Variants in SPAG16 observed in about 807,000 individuals in gnomAD.
SPAG16 encodes sperm associated antigen 16, also known as sperm-associated antigen 16 protein.
SPAG16 carries 86 observed loss-of-function variants against 80.4 expected under a neutral mutation model. The observed-to-expected ratio is 1.07, with a 90% CI of 0.90 to 1.28. The LOEUF (loss-of-function observed/expected upper bound fraction) is 1.28. SPAG16 is among the 50% of genes most tolerant of loss of function. SPAG16 has a pLI of 0.00. For missense variants in SPAG16, 870 were observed against 765.3 expected (o/e 1.14, Z -1.61); for synonymous variants, 294 against 265.9 (o/e 1.11, Z -1.03).
intron 9 of SPAG16, among the ~76,000 whole-genome samples, chr2:213,441,896 C>A (rs1371781724): frequency 1.3e-5 from 2 of 152,158 alleles, no homozygotes; most frequent in East Asian, 1.9e-4. Context: ...TCTGTAATCC[C>A]AGCACTTTGG....
At chr2:214,034,593 G>A (rs543256517) in intron 13 of SPAG16, among the ~76,000 whole-genome samples, 50 of 152,364 alleles carry the variant, frequency 3.3e-4, no homozygotes, top group Non-Finnish European at 5.1e-4. Flanking sequence ...GCATAGCCAG[G>A]CACGCTGGCT....
intron 15 of SPAG16, among the ~76,000 whole-genome samples, chr2:214,313,062 T>A (rs1012110983): frequency 3.3e-5 from 5 of 152,144 alleles, no homozygotes; most frequent in Non-Finnish European, 5.9e-5. Flanking sequence ...TGCGAATATT[T>A]CATTACATAA....
intron 10 of SPAG16, among the ~76,000 whole-genome samples, chr2:213,858,002 A>G (rs4494679): frequency 0.34 from 52,385 of 152,084 alleles, 9,481 homozygotes; most frequent in South Asian, 0.47. Context: ...ATGCGATTCA[A>G]TTGCTACAAT....
At chr2:213,415,267 A>G (rs1165475797) in intron 9 of SPAG16, among the ~76,000 whole-genome samples, 1 of 152,238 alleles carries the variant, frequency 6.6e-6, no homozygotes, top group Non-Finnish European at 1.5e-5. Flanking sequence ...GAAGCATGCA[A>G]GGAGCATGCA....
chr2:213,445,288 G>A (rs1487302297), intron 9 of SPAG16, among the ~76,000 whole-genome samples: 1 of 152,078 alleles, frequency 6.6e-6, no homozygotes, highest in Non-Finnish European at 1.5e-5. Flanking sequence ...AGTATATAAG[G>A]AATTCAAAAA....
In SPAG16 at chr2:213,317,271, C is replaced by A; in HGVS notation, c.451C>A (p.Pro151Thr). The A allele has an allele frequency of 1.2e-6, 2 of 1,609,558 alleles. No individual in the cohort carries two copies. Among genetic ancestry groups the A allele is most frequent in the South Asian group, 2.2e-5 (2 of 90,584 alleles). The change falls in exon 5 of 16, where the codon CCA becomes ACA. Residue 151 changes from proline to threonine, a missense_variant. Transcript: ENST00000331683. ...TGAACTTAGAACTGTTGGGAATGTT[C>A]CAGATGTCTACACCCAGATTATGCT... ...VTELRTVGNVPDVYTQIMLLE... is the reference protein window; with the variant it reads ...VTELRTVGNVTDVYTQIMLLE...
intron 15 of SPAG16, among the ~76,000 whole-genome samples, chr2:214,338,814 C>A (rs1697473316): frequency 1.3e-5 from 2 of 152,046 alleles, no homozygotes; most frequent in Admixed American, 6.6e-5. Context: ...TGCCTCTGTC[C>A]CAATGTATAA....
intron 13 of SPAG16, among the ~76,000 whole-genome samples, chr2:214,097,918 T>C (rs1050709563): frequency 2.0e-5 from 3 of 152,008 alleles, no homozygotes; most frequent in African/African-American, 7.2e-5. Flanking sequence ...AATGGCACTA[T>C]CATGTAGATA....
At chr2:213,476,038 A>T (rs1438246239) in intron 9 of SPAG16, among the ~76,000 whole-genome samples, 1 of 152,164 alleles carries the variant, frequency 6.6e-6, no homozygotes, top group Admixed American at 6.5e-5. Flanking sequence ...AAACTCTCTT[A>T]ATTTTTACAT....
chr2:213,884,916 G>A (rs2106045724), intron 11 of SPAG16, among the ~76,000 whole-genome samples: 1 of 152,238 alleles, frequency 6.6e-6, no homozygotes, highest in African/African-American at 2.4e-5. Context: ...CTTGGATTGA[G>A]TTTTACCTTT....
intron 15 of SPAG16, among the ~76,000 whole-genome samples, chr2:214,286,901 T>C (rs1303763161): frequency 6.6e-6 from 1 of 152,232 alleles, no homozygotes; most frequent in African/African-American, 2.4e-5. Flanking sequence ...ATGAATCTCA[T>C]CTTCCTCGTC....
intron 15 of SPAG16, among the ~76,000 whole-genome samples, chr2:214,342,920 C>T (rs10498009): frequency 0.065 from 9,809 of 152,046 alleles, 805 homozygotes; most frequent in African/African-American, 0.19. Flanking sequence ...CTGTTTGAAG[C>T]CATAGCATTG....
intron 15 of SPAG16, among the ~76,000 whole-genome samples, chr2:214,299,167 C>G (rs2125948012): frequency 6.7e-6 from 1 of 149,276 alleles, no homozygotes; most frequent in South Asian, 2.1e-4. Flanking sequence ...ACAATGTAGT[C>G]TAAATAAATT....
intron 13 of SPAG16, among the ~76,000 whole-genome samples, chr2:214,023,517 GT>G (rs2047988603): frequency 6.6e-6 from 1 of 151,644 alleles, no homozygotes; most frequent in Admixed American, 6.6e-5. Context: ...AAGTACATAG[GT>G]TTTAAGTTAT....
chr2:213,746,540 T>C (rs1329354472), intron 10 of SPAG16, among the ~76,000 whole-genome samples: 1 of 152,196 alleles, frequency 6.6e-6, no homozygotes, highest in Non-Finnish European at 1.5e-5. Flanking sequence ...GTGCGGTGGC[T>C]CATGCCTGTA....
At chr2:213,595,682 C>A (rs1283696839) in intron 10 of SPAG16, among the ~76,000 whole-genome samples, 1 of 151,946 alleles carries the variant, frequency 6.6e-6, no homozygotes, top group Non-Finnish European at 1.5e-5. Flanking sequence ...AAATTGCTAC[C>A]TTAAGTAATA....
At chr2:213,969,142 T>C (rs557064331) in intron 12 of SPAG16, among the ~76,000 whole-genome samples, 1 of 152,274 alleles carries the variant, frequency 6.6e-6, no homozygotes, top group Admixed American at 6.5e-5. Flanking sequence ...TAGATAACAG[T>C]AAGATATAGG....
intron 13 of SPAG16, among the ~76,000 whole-genome samples, chr2:214,028,027 T>G (rs2048222902): frequency 6.6e-6 from 1 of 152,006 alleles, no homozygotes; most frequent in African/African-American, 2.4e-5. Context: ...TCTTCTTAAC[T>G]GTTTTCTGGA....
intron 9 of SPAG16, among the ~76,000 whole-genome samples, chr2:213,457,015 C>G (rs2072061993): frequency 6.6e-6 from 1 of 151,230 alleles, no homozygotes; most frequent in Non-Finnish European, 1.5e-5. Flanking sequence ...GTGTAGGATC[C>G]TAAATGTTCG....
Sources: gnomAD v4.1 joint callset for allele counts (sites outside exome capture counted in the v4.1 genomes callset) on GRCh38, gnomAD v4.1.1 for gene constraint, MANE v1.5 for transcripts, NCBI Gene and HGNC (gene_info 2026-07-23, HGNC 2026-07-21) for gene names.